Variants in CTNNA3 observed in about 807,000 individuals in gnomAD.
CTNNA3 encodes catenin alpha-3.
CTNNA3 carries 76 observed loss-of-function variants against 95.7 expected under a neutral mutation model. The ratio of observed to expected loss-of-function variants is 0.79; its 90% CI spans 0.66 to 0.96. CTNNA3 has a LOEUF of 0.96. Ranked by LOEUF, CTNNA3 falls within the 40% of genes least tolerant of loss-of-function variation. CTNNA3 has a pLI of 0.00. For missense variants in CTNNA3, 1,191 were observed against 1,089.8 expected (o/e 1.09, Z -1.31); for synonymous variants, 431 against 374.4 (o/e 1.15, Z -1.74).
At chr10:67,484,289 A>G (rs969879712) in intron 5 of CTNNA3, among the ~76,000 whole-genome samples, 2 of 152,238 alleles carry the variant, frequency 1.3e-5, no homozygotes, top group Admixed American at 1.3e-4. Context: ...ATGAAACCAG[A>G]CACTTATCTT....
intron 5 of CTNNA3, among the ~76,000 whole-genome samples, chr10:67,322,133 A>G (rs1656814869): frequency 6.6e-6 from 1 of 152,000 alleles, no homozygotes; most frequent in Non-Finnish European, 1.5e-5. Context: ...AAGACCTTTT[A>G]TAAAATTATA....
intron 7 of CTNNA3, among the ~76,000 whole-genome samples, chr10:67,156,773 G>A (rs1385381157): frequency 1.3e-5 from 2 of 152,026 alleles, no homozygotes; most frequent in African/African-American, 2.4e-5. Flanking sequence ...GTTTTTGATG[G>A]AATGTTCTGT....
In CTNNA3 at chr10:67,068,297, A is replaced by T. The variant is rs190463972; in HGVS notation, c.1047+112020T>A. ...ATAGCTCCAAGGCTGCATAAAACAC[A>T]TATAGATGGTGACACTATTTTCAGG... On this transcript the variant is annotated intron_variant, in intron 7 of 17. Coordinates refer to ENST00000433211, the MANE Select transcript of CTNNA3 (RefSeq NM_013266.4). Among the ~76,000 whole-genome samples, 4 of 152,332 alleles carry T rather than the reference A, an allele frequency of 2.6e-5. No homozygotes were observed. The East Asian group carries it at 7.7e-4, about 29-fold the overall frequency.
At chr10:67,625,499 C>T (rs1838922230) in intron 2 of CTNNA3, among the ~76,000 whole-genome samples, 1 of 152,172 alleles carries the variant, frequency 6.6e-6, no homozygotes, top group African/African-American at 2.4e-5. Flanking sequence ...AAAGCTACCT[C>T]TGAGACTCCA....
intron 5 of CTNNA3, among the ~76,000 whole-genome samples, chr10:67,490,678 G>A (rs1460252674): frequency 1.3e-5 from 2 of 152,054 alleles, no homozygotes; most frequent in Non-Finnish European, 2.9e-5. Flanking sequence ...CAGCTATAAA[G>A]AGAAATTCTA....
intron 13 of CTNNA3, among the ~76,000 whole-genome samples, chr10:66,171,589 G>T (rs1009587061): frequency 1.1e-4 from 16 of 151,832 alleles, no homozygotes; most frequent in Non-Finnish European, 2.2e-4. Context: ...TAAATTAAAT[G>T]TGCACAATCT....
intron 3 of CTNNA3, among the ~76,000 whole-genome samples, chr10:67,586,765 G>A (rs12246931): frequency 0.13 from 19,488 of 152,004 alleles, 2,255 homozygotes; most frequent in African/African-American, 0.3. Context: ...TATTTAAGTG[G>A]AGCAGGTAGT....
chr10:66,639,469 A>G (rs1434657585), intron 9 of CTNNA3, among the ~76,000 whole-genome samples: 1 of 152,140 alleles, frequency 6.6e-6, no homozygotes, highest in African/African-American at 2.4e-5. Flanking sequence ...TGGAATCCAG[A>G]CAGAATGAAC....
At chr10:66,875,417 A>T (rs58781856) in intron 7 of CTNNA3, among the ~76,000 whole-genome samples, 38,723 of 151,528 alleles carry the variant, frequency 0.26, 6,229 homozygotes, top group Non-Finnish European at 0.36. Flanking sequence ...AAAATAGAAG[A>T]AAGTAAATAG....
At chr10:66,397,123 C>T (rs1365194570) in intron 11 of CTNNA3, among the ~76,000 whole-genome samples, 1 of 151,462 alleles carries the variant, frequency 6.6e-6, no homozygotes, top group African/African-American at 2.4e-5. Context: ...TTTCCAAACT[C>T]CTAATTGTAG....
intron 7 of CTNNA3, among the ~76,000 whole-genome samples, chr10:66,902,018 C>CA (rs1400121402): frequency 6.6e-6 from 1 of 152,042 alleles, no homozygotes; most frequent in Non-Finnish European, 1.5e-5. Flanking sequence ...CAGCTCTGTA[C>CA]CCCCAAGCGG....
At chr10:66,530,061 T>C (rs1286802757) in intron 10 of CTNNA3, among the ~76,000 whole-genome samples, 1 of 152,124 alleles carries the variant, frequency 6.6e-6, no homozygotes, top group Non-Finnish European at 1.5e-5. Context: ...AAACAATTAC[T>C]TAAAAGGTGA....
At chr10:67,598,281 A>G (rs985072147) in intron 3 of CTNNA3, among the ~76,000 whole-genome samples, 1 of 151,976 alleles carries the variant, frequency 6.6e-6, no homozygotes, top group South Asian at 2.1e-4. Context: ...TCAAATGTCT[A>G]TGGGGATCAT....
At position 66,374,862 on chromosome 10, in the gene CTNNA3, G is replaced by A. The variant is rs560605523; in HGVS notation, c.1732+4290C>T. 1.6e-4 allele frequency among the ~76,000 whole-genome samples: 24 copies of A among 151,794 alleles called. No homozygotes were observed. The East Asian group carries it at 4.3e-3, about 27-fold the overall frequency. The stretch of plus-strand genomic sequence containing the variant: ...GAACTCCTGACCTCATGATCCTCCC[G>A]CCTTGGCCTCCAAAAGTGCTGGGAT... On this transcript the variant is annotated intron_variant, in intron 12 of 17. Transcript: ENST00000433211.
intron 9 of CTNNA3, among the ~76,000 whole-genome samples, chr10:66,713,667 A>C (rs1410194062): frequency 6.6e-6 from 1 of 151,186 alleles, no homozygotes. Context: ...CTGAACTCAG[A>C]GTAACCCAGA....
At position 67,460,760 on chromosome 10, in the gene CTNNA3, T is replaced by C. The variant is rs548052355; in HGVS notation, c.579+61082A>G. On this transcript the variant is annotated intron_variant, in intron 5 of 17. Coordinates refer to ENST00000433211, the MANE Select transcript of CTNNA3 (RefSeq NM_013266.4). ...TTTATTTTTCCAATACAAATTTCAT[T>C]ATGGAGGTAATATTAATCATAAAAG... Among the ~76,000 whole-genome samples, 33 of 152,086 alleles carry C rather than the reference T, an allele frequency of 2.2e-4. No individual in the cohort carries two copies. In the East Asian group the frequency reaches 6.2e-3, roughly 28 times the overall value.
intron 11 of CTNNA3, among the ~76,000 whole-genome samples, chr10:66,503,143 T>G (rs1840336026): frequency 6.6e-6 from 1 of 152,192 alleles, no homozygotes. Context: ...TATCTTTTAC[T>G]AGGCCACTCA....
At chr10:66,808,718 C>T (rs4396181) in intron 7 of CTNNA3, among the ~76,000 whole-genome samples, 79,277 of 151,938 alleles carry the variant, frequency 0.52, 21,864 homozygotes, top group East Asian at 0.76. Context: ...ACTGTATATG[C>T]TACCAATCCA....
chr10:66,393,422 T>C (rs899645229), intron 11 of CTNNA3, among the ~76,000 whole-genome samples: 11 of 152,238 alleles, frequency 7.2e-5, no homozygotes, highest in African/African-American at 2.4e-4. Flanking sequence ...ATAAAGGATG[T>C]TCTTCAAACA....
Sources: allele counts gnomAD v4.1 joint callset (sites outside exome capture counted in the v4.1 genomes callset), GRCh38; gene constraint gnomAD v4.1.1; transcripts MANE v1.5; gene names NCBI Gene and HGNC (gene_info 2026-07-23, HGNC 2026-07-21).